Variants in USP25 observed in about 807,000 individuals in gnomAD.
USP25 encodes the protein ubiquitin carboxyl-terminal hydrolase 25.
In USP25, 85 loss-of-function variants were observed where a neutral mutation model predicts 158.5. The ratio of observed to expected loss-of-function variants is 0.54; its 90% CI spans 0.45 to 0.64. The LOEUF is 0.64. Ranked by LOEUF, USP25 falls within the 30% of genes least tolerant of loss-of-function variation. The probability of loss-of-function intolerance (pLI) is 0.00; values close to 1 mark genes in which losing one functional copy is unlikely to be tolerated. For synonymous variants in USP25, 464 were observed against 460.4 expected, an observed-to-expected ratio of 1.01 and a Z score of -0.10; for missense variants, 1,242 against 1,327.3, an observed-to-expected ratio of 0.94 and a Z score of 1.00.
intron 4 of USP25, among the ~76,000 whole-genome samples, chr21:15,778,769 A>G (rs1318866640): frequency 1.3e-5 from 2 of 152,160 alleles, no homozygotes; most frequent in African/African-American, 2.4e-5. Context: ...AGTTGTAACT[A>G]ACTGTAATCC....
intron 2 of USP25, 126 bp from the exon 3 acceptor site, chr21:15,765,871 C>A: frequency 1.2e-6 from 1 of 808,714 alleles, no homozygotes; most frequent in Non-Finnish European, 1.8e-6. Context: ...AAATTAGAAT[C>A]ACATATAGAT....
chr21:15,861,089 T>A (rs972413987), intron 20 of USP25, among the ~76,000 whole-genome samples: 4 of 152,016 alleles, frequency 2.6e-5, no homozygotes, highest in Non-Finnish European at 5.9e-5. Flanking sequence ...TAGGTAGAAA[T>A]TATTTGCATC....
intron 9 of USP25, among the ~76,000 whole-genome samples, chr21:15,813,042 C>A (rs1327569974): frequency 1.3e-5 from 2 of 151,740 alleles, no homozygotes; most frequent in Non-Finnish European, 2.9e-5. Context: ...CACCCCCTCC[C>A]TGTTCTCTAA....
intron 6 of USP25, among the ~76,000 whole-genome samples, chr21:15,802,000 T>A (rs9974370): frequency 0.026 from 3,899 of 151,566 alleles, 173 homozygotes; most frequent in African/African-American, 0.086. Context: ...TCCCTGGAAA[T>A]ATAATAATAG....
rs2036319074 is a variant in USP25 at position 15,805,158 on chromosome 21, A to G, written c.680A>G (p.Tyr227Cys). ...TTGCCTTTTATGCGTGAGCTGAGGT[A>G]TCTATTTGCACTTCTTGTTGGTACC... ...RNLPFMRELR[Y>C]LFALLVGTKR... Residue 227 changes from tyrosine to cysteine, a missense_variant, in exon 7 of 26, where the codon TAT (tyrosine) becomes TGT (cysteine). Around this residue, in one of 3 missense-constraint regions of USP25, gnomAD observed 627 missense variants for 701.4 expected, o/e 0.89. Coordinates refer to ENST00000400183, the MANE Select transcript of USP25 (RefSeq NM_001283041.3). 2.5e-6 allele frequency: 4 copies of G among 1,605,546 alleles called. No individual in the cohort carries two copies. The East Asian group carries it at 6.8e-5, about 27-fold the overall frequency.
At position 15,809,650 on chromosome 21, in the gene USP25, T is replaced by G. The variant is rs143709520; in HGVS notation, c.857+765T>G. On this transcript the variant is annotated intron_variant, in intron 8 of 25. Coordinates refer to ENST00000400183, the MANE Select transcript of USP25 (RefSeq NM_001283041.3). ...ATGATCCAGCAATTCTGCTTCTTGG[T>G]GTATATCCAAAAGAATTGAAAGCAG... is the stretch of plus-strand genomic sequence containing the variant. 6.5e-4 allele frequency among the ~76,000 whole-genome samples: 99 copies of G among 152,318 alleles called. 1 individual carries two copies. In the Middle Eastern group the frequency reaches 0.01, roughly 16 times the overall value.
intron 15 of USP25, 89 bp downstream of exon 15, chr21:15,830,690 T>C: frequency 9.1e-7 from 1 of 1,097,178 alleles, no homozygotes. Flanking sequence ...TAATTTTTCT[T>C]TACATGTTTT....
At chr21:15,774,179 T>A (rs1290629428) in intron 3 of USP25, among the ~76,000 whole-genome samples, 2 of 152,236 alleles carry the variant, frequency 1.3e-5, no homozygotes, top group Non-Finnish European at 2.9e-5. Context: ...AACAACCTTT[T>A]CATGTTATGT....
At chr21:15,854,078 T>G (rs1289032601) in intron 20 of USP25, among the ~76,000 whole-genome samples, 2 of 152,186 alleles carry the variant, frequency 1.3e-5, no homozygotes, top group Non-Finnish European at 2.9e-5. Flanking sequence ...TTAGATATAG[T>G]ATTTTTAAAT....
rs1253285199 is a variant in USP25 at position 15,874,545 on chromosome 21, G to A, written c.3009+19G>A. 5 of 1,569,856 alleles carry A rather than the reference G, an allele frequency of 3.2e-6. No homozygotes were observed. Among genetic ancestry groups the A allele is most frequent in the Non-Finnish European group, 4.3e-6 (5 of 1,161,714 alleles). Reference sequence around the variant, plus strand: ...TTTGCTAGTAAGTTGAATGCATATAGTATGATCTTATCATTTTGTCTGACA... The same window carrying A: ...TTTGCTAGTAAGTTGAATGCATATAATATGATCTTATCATTTTGTCTGACA... On this transcript the variant is annotated intron_variant, in intron 24 of 25. Transcript: ENST00000400183.
rs1344804667 is a variant in USP25 at position 15,730,214 on chromosome 21, CT to C, written c.-179del. 3.3e-6 allele frequency: 2 copies of C among 613,310 alleles called. No homozygotes were observed. Among genetic ancestry groups the C allele is most frequent in the Admixed American group, 1.3e-4 (2 of 15,614 alleles). The allele number at this position is 613,310 out of a possible 1,614,324, so 38.0% of individuals were successfully genotyped here. On this transcript the variant is annotated 5_prime_UTR_variant, in exon 1 of 26. Coordinates refer to ENST00000400183, the MANE Select transcript of USP25 (RefSeq NM_001283041.3). ...GCCCTCACAGTCGGCGTTTCGCCGC[CT>C]GCCCGCGGTGCCCGCGCACGCCGGC...
At chr21:15,730,654 T>C (rs1438796762) in intron 1 of USP25, among the ~76,000 whole-genome samples, 1 of 152,208 alleles carries the variant, frequency 6.6e-6, no homozygotes, top group African/African-American at 2.4e-5. Flanking sequence ...TCCACTTCCT[T>C]CTGCCGATTG....
chr21:15,854,463 A>T (rs1388882144), intron 20 of USP25, among the ~76,000 whole-genome samples: 1 of 151,720 alleles, frequency 6.6e-6, no homozygotes, highest in African/African-American at 2.4e-5. Flanking sequence ...TTTTTTTTTA[A>T]TATCTCTTCT....
intron 5 of USP25, among the ~76,000 whole-genome samples, chr21:15,797,057 T>G (rs1008241937): frequency 2.0e-5 from 3 of 151,454 alleles, no homozygotes; most frequent in Admixed American, 2.0e-4. Flanking sequence ...ACTGAAGAGA[T>G]AATTAGCCAA....
At chr21:15,833,091 T>TA (rs373367772) in intron 16 of USP25, among the ~76,000 whole-genome samples, 4 of 151,378 alleles carry the variant, frequency 2.6e-5, no homozygotes, top group South Asian at 2.1e-4. Context: ...ACTCTTAAGA[T>TA]AAAAAAAAAT....
At chr21:15,850,162 A>C (rs1348304572) in intron 20 of USP25, among the ~76,000 whole-genome samples, 1 of 152,046 alleles carries the variant, frequency 6.6e-6, no homozygotes, top group Non-Finnish European at 1.5e-5. Context: ...ATTTGAAGGG[A>C]ATGAGGACAT....
chr21:15,828,453 C>G (rs758879021), intron 14 of USP25, among the ~76,000 whole-genome samples: 7 of 152,128 alleles, frequency 4.6e-5, no homozygotes, highest in Non-Finnish European at 8.8e-5. Flanking sequence ...TCTTTGGAGA[C>G]AACTGACAGA....
In USP25 at chr21:15,875,170, C is replaced by T. The variant is rs1344096491; in HGVS notation, c.3009+644C>T. 6.6e-6 allele frequency among the ~76,000 whole-genome samples: 1 copy of T among 152,084 alleles called. No individual in the cohort carries two copies. The highest frequency in any genetic ancestry group is 2.4e-5 in the African/African-American group (1 of 41,412). On this transcript the variant is annotated intron_variant, in intron 24 of 25. Coordinates refer to ENST00000400183, the MANE Select transcript of USP25 (RefSeq NM_001283041.3). This position sits in a 1 kb window ranked among gnomAD's most constrained non-coding sequence, Gnocchi z 4.7. Reference sequence around the variant, plus strand: ...CTGGCAACCAGGTGACAGAGCAAGACTCTGTCTCAAAAAAACAAGAATATA... The same window carrying T: ...CTGGCAACCAGGTGACAGAGCAAGATTCTGTCTCAAAAAAACAAGAATATA...
At position 15,870,055 on chromosome 21, in the gene USP25, C is replaced by A; in HGVS notation, c.2806-13C>A. Reference sequence around the variant, plus strand: ...TTACTCTGAACATTTTTAATATTTTCTTTCACCTACAGGAGTGGCATCAGG... The same window carrying A: ...TTACTCTGAACATTTTTAATATTTTATTTCACCTACAGGAGTGGCATCAGG... On this transcript the variant is annotated splice_polypyrimidine_tract_variant and intron_variant, in intron 22 of 25. Transcript: ENST00000400183. 6.4e-7 allele frequency: 1 copy of A among 1,573,100 alleles called. No homozygotes were observed. The highest frequency in any genetic ancestry group is 8.6e-7 in the Non-Finnish European group (1 of 1,157,594).
Sources: gnomAD v4.1 joint callset for allele counts (sites outside exome capture counted in the v4.1 genomes callset) on GRCh38, gnomAD v4.1.1 for gene constraint, gnomAD v4.1.1 regional missense constraint, Gnocchi (gnomAD v3.1) non-coding constraint, MANE v1.5 for transcripts, NCBI Gene and HGNC (gene_info 2026-07-23, HGNC 2026-07-21) for gene names.